The following MYO5B variants were observed in gnomAD, a reference collection of about 807,000 sequenced individuals.
MYO5B encodes the protein unconventional myosin-Vb.
In MYO5B, 143 loss-of-function variants were observed where a neutral mutation model predicts 229.3. That is an observed-to-expected ratio of 0.62 (90% CI 0.54 to 0.72). The LOEUF (loss-of-function observed/expected upper bound fraction) is 0.72, where lower values mean the gene tolerates loss of function less well. MYO5B is among the 30% of genes least tolerant of loss of function. The probability of loss-of-function intolerance (pLI) is 0.00; values close to 1 mark genes in which losing one functional copy is unlikely to be tolerated. For missense variants in MYO5B, 2,321 were observed against 2,331.0 expected (o/e 1.00, Z 0.09); for synonymous variants, 918 against 885.2 (o/e 1.04, Z -0.66).
intron 1 of MYO5B, among the ~76,000 whole-genome samples, chr18:50,072,338 C>T (rs182765194): frequency 2.0e-3 from 312 of 152,250 alleles, no homozygotes; most frequent in African/African-American, 7.3e-3. Context: ...GGATCCAGTC[C>T]AAAGTCTGTG....
chr18:50,094,739 C>T (rs1357262576), intron 1 of MYO5B, among the ~76,000 whole-genome samples: 2 of 152,144 alleles, frequency 1.3e-5, no homozygotes, highest in Admixed American at 1.3e-4. Flanking sequence ...GTACATAACA[C>T]ACTGATGTGG....
chr18:50,070,104 C>T (rs566942583), intron 1 of MYO5B, among the ~76,000 whole-genome samples: 5 of 150,142 alleles, frequency 3.3e-5, no homozygotes, highest in Admixed American at 3.3e-4. Context: ...TCACTGCAAC[C>T]TCTGCCTCCC....
chr18:50,186,120 T>C (rs1377653402), intron 1 of MYO5B, among the ~76,000 whole-genome samples: 1 of 152,234 alleles, frequency 6.6e-6, no homozygotes, highest in Non-Finnish European at 1.5e-5. Flanking sequence ...ATGAAGGATA[T>C]TTCGCATACA....
At chr18:49,877,968 C>A in intron 24 of MYO5B, 86 bp from the exon 25 acceptor site, 2 of 1,519,232 alleles carry the variant, frequency 1.3e-6, no homozygotes, top group South Asian at 1.1e-5. Flanking sequence ...CTAGAGTTAT[C>A]CTTCTGCCTA....
chr18:50,133,867 G>C (rs895774390), intron 1 of MYO5B, among the ~76,000 whole-genome samples: 1 of 152,124 alleles, frequency 6.6e-6, no homozygotes, highest in Admixed American at 6.5e-5. Flanking sequence ...AGGGAGGTGG[G>C]GGGAGTTATT....
intron 28 of MYO5B, 63 bp from the exon 29 acceptor site, chr18:49,863,390 A>G (rs2024355090): frequency 1.4e-6 from 2 of 1,384,344 alleles, no homozygotes; most frequent in South Asian, 1.2e-5. Flanking sequence ...GGCTTTATAT[A>G]CAAACAGGTA....
intron 1 of MYO5B, among the ~76,000 whole-genome samples, chr18:50,192,495 T>C (rs1281023041): frequency 6.6e-6 from 1 of 152,222 alleles, no homozygotes; most frequent in African/African-American, 2.4e-5. Context: ...GCTTGTTGTC[T>C]TTCTAGAAGG....
Position 49,864,247 on chromosome 18 carries a change from T to C in MYO5B, c.3737A>G (p.Gln1246Arg). Reference protein sequence around the residue: ...SPDSYSLLLNQLKLAHEELEV... With the variant: ...SPDSYSLLLNRLKLAHEELEV... Reference sequence around the variant, plus strand: ...GAGCTCCTCGTGGGCCAGCTTGAGCTGGTTCAGCAGGAGGCTGTAGCTATC... The same window carrying C: ...GAGCTCCTCGTGGGCCAGCTTGAGCCGGTTCAGCAGGAGGCTGTAGCTATC... Residue 1246 changes from glutamine (Q) to arginine (R), a missense_variant, in exon 28 of 40, where the codon CAG becomes CGG. Transcript: ENST00000285039. 1 of 1,614,150 alleles carries C rather than the reference T, an allele frequency of 6.2e-7. No individual in the cohort carries two copies. The highest frequency in any genetic ancestry group is 1.7e-5 in the Admixed American group (1 of 60,034).
chr18:50,059,464 G>C (rs554475291), intron 1 of MYO5B, among the ~76,000 whole-genome samples: 1 of 152,344 alleles, frequency 6.6e-6, no homozygotes, highest in South Asian at 2.1e-4. Context: ...CTTTGGAAGA[G>C]AGAAAGTTGG....
intron 4 of MYO5B, among the ~76,000 whole-genome samples, chr18:50,025,262 A>G (rs1181913089): frequency 6.6e-6 from 1 of 152,212 alleles, no homozygotes; most frequent in East Asian, 1.9e-4. Flanking sequence ...ACAGGTCAAG[A>G]CCTGCATATC....
intron 29 of MYO5B, among the ~76,000 whole-genome samples, chr18:49,857,172 C>T (rs947190979): frequency 6.6e-6 from 1 of 152,226 alleles, no homozygotes; most frequent in Non-Finnish European, 1.5e-5. Context: ...CCAGAGACAG[C>T]AGAGGGCCAG....
chr18:50,039,492 C>CG (rs1283548575), intron 3 of MYO5B, among the ~76,000 whole-genome samples: 1 of 151,958 alleles, frequency 6.6e-6, no homozygotes, highest in Non-Finnish European at 1.5e-5. Context: ...CCACCACACC[C>CG]GGCTAATTTT....
chr18:50,001,186 C>T (rs959811776), intron 5 of MYO5B, 69 bp downstream of exon 5: 152 of 1,600,402 alleles, frequency 9.5e-5, no homozygotes, highest in East Asian at 1.3e-4. Context: ...CCAGGCTTGA[C>T]GCCCAGCAGT....
At chr18:50,061,906 A>G (rs1259639305) in intron 1 of MYO5B, among the ~76,000 whole-genome samples, 1 of 152,220 alleles carries the variant, frequency 6.6e-6, no homozygotes, top group African/African-American at 2.4e-5. Flanking sequence ...GAGTCATTTC[A>G]ACTTAGTTTC....
chr18:49,949,010 G>GTA (rs1189510739), intron 14 of MYO5B, among the ~76,000 whole-genome samples: 1 of 152,174 alleles, frequency 6.6e-6, no homozygotes, highest in East Asian at 1.9e-4. Context: ...GGAGGTGTAG[G>GTA]GTTCATGAAC....
Position 50,001,256 on chromosome 18 carries a change from T to G in MYO5B, c.611A>C (p.Glu204Ala), listed in dbSNP as rs547195799. ...EKVLASSPIMEAIGNAKTTRN... is the reference protein window; with the variant it reads ...EKVLASSPIMAAIGNAKTTRN... ...GCCAGGACACCTAGAAGGCTTTACC[T>G]CCATGATGGGACTGGATGCCAGCAC... The change falls in exon 5 of 40, where the codon GAG becomes GCG. Residue 204 changes from glutamate (E) to alanine (A), a missense_variant and splice_region_variant. This residue lies in a region of MYO5B where 2,113 missense variants were observed against 2,044.7 expected (regional missense o/e 1.03). Transcript: ENST00000285039. 4 of 1,614,114 alleles carry G rather than the reference T, an allele frequency of 2.5e-6. No homozygotes were observed. In the African/African-American group the frequency reaches 5.3e-5, roughly 22 times the overall value.
At chr18:49,931,010 T>C (rs900386712) in intron 16 of MYO5B, among the ~76,000 whole-genome samples, 1 of 152,148 alleles carries the variant, frequency 6.6e-6, no homozygotes, top group South Asian at 2.1e-4. Flanking sequence ...TTAATCACTA[T>C]TTTTAATTTG....
At chr18:50,043,220 G>C (rs922718172) in intron 2 of MYO5B, among the ~76,000 whole-genome samples, 2 of 140,070 alleles carry the variant, frequency 1.4e-5, no homozygotes, top group Admixed American at 1.5e-4. Flanking sequence ...ATTGTGGTGT[G>C]TGTGTATATA....
intron 1 of MYO5B, among the ~76,000 whole-genome samples, chr18:50,152,864 T>TA (rs67858852): frequency 1.4e-3 from 181 of 125,404 alleles, no homozygotes; most frequent in African/African-American, 4.7e-3. Context: ...TTCTCAAAAC[T>TA]AAAAAAAAAA....
Sources: allele counts gnomAD v4.1 joint callset (sites outside exome capture counted in the v4.1 genomes callset), GRCh38; gene constraint gnomAD v4.1.1; regional missense constraint gnomAD v4.1.1; transcripts MANE v1.5; gene names NCBI Gene and HGNC (gene_info 2026-07-23, HGNC 2026-07-21).